Variants in NCAM2 observed in about 807,000 individuals in gnomAD.
The protein encoded by NCAM2 is N-CAM-2.
NCAM2 carries 30 observed loss-of-function variants against 98.1 expected under a neutral mutation model. The ratio of observed to expected loss-of-function variants is 0.31; its 90% CI spans 0.23 to 0.41. The LOEUF is 0.41. NCAM2 is among the 10% of genes least tolerant of loss of function. The probability of loss-of-function intolerance (pLI) is 1.00; values close to 1 mark genes in which losing one functional copy is unlikely to be tolerated. For synonymous variants in NCAM2, 368 were observed against 342.4 expected (o/e 1.07, Z -0.83); for missense variants, 867 against 1,005.8 (o/e 0.86, Z 1.87).
chr21:21,493,693 T>C (rs1216093496), intron 15 of NCAM2, among the ~76,000 whole-genome samples: 1 of 151,946 alleles, frequency 6.6e-6, no homozygotes, highest in Non-Finnish European at 1.5e-5. Context: ...ATCCTCTGTG[T>C]CCTAAAAATC....
At chr21:21,257,126 G>A (rs773185331) in intron 1 of NCAM2, among the ~76,000 whole-genome samples, 6 of 152,172 alleles carry the variant, frequency 3.9e-5, no homozygotes, top group Non-Finnish European at 7.4e-5. Context: ...TACTATTTCA[G>A]TCTTTTTGAT....
chr21:21,251,466 C>T (rs2071466926), intron 1 of NCAM2, among the ~76,000 whole-genome samples: 1 of 152,096 alleles, frequency 6.6e-6, no homozygotes, highest in African/African-American at 2.4e-5. Context: ...TCATCCATGT[C>T]CCTGCAAAGG....
intron 6 of NCAM2, among the ~76,000 whole-genome samples, chr21:21,334,446 G>A (rs1167741379): frequency 1.3e-5 from 2 of 152,246 alleles, no homozygotes; most frequent in East Asian, 1.9e-4. Flanking sequence ...GTGTATCAGA[G>A]AAATGTTTGA....
chr21:21,029,692 G>A (rs565168349), intron 1 of NCAM2, among the ~76,000 whole-genome samples: 25 of 152,026 alleles, frequency 1.6e-4, no homozygotes, highest in South Asian at 6.2e-4. Context: ...GTACAGTGGC[G>A]CGATCTTGGC....
intron 1 of NCAM2, among the ~76,000 whole-genome samples, chr21:21,172,093 A>G (rs925911543): frequency 6.6e-6 from 1 of 151,924 alleles, no homozygotes; most frequent in Non-Finnish European, 1.5e-5. Context: ...TCAAATATAG[A>G]TCGTATTTTT....
chr21:21,500,312 C>A (rs1439306153), intron 15 of NCAM2, among the ~76,000 whole-genome samples: 2 of 152,066 alleles, frequency 1.3e-5, no homozygotes, highest in East Asian at 3.9e-4. Context: ...ACAAACACTT[C>A]TTTCAAATAA....
chr21:21,454,550 C>T (rs903386082), intron 12 of NCAM2, among the ~76,000 whole-genome samples: 18 of 151,880 alleles, frequency 1.2e-4, no homozygotes, highest in African/African-American at 3.9e-4. Flanking sequence ...GACTGTAAAA[C>T]GATTTTAATA....
chr21:21,047,797 A>G (rs1446237833), intron 1 of NCAM2, among the ~76,000 whole-genome samples: 1 of 152,132 alleles, frequency 6.6e-6, no homozygotes, highest in East Asian at 1.9e-4. Flanking sequence ...GCTTTTGAGA[A>G]CTAAGCTCTG....
At chr21:21,025,909 C>T (rs999517226) in intron 1 of NCAM2, among the ~76,000 whole-genome samples, 1 of 152,052 alleles carries the variant, frequency 6.6e-6, no homozygotes. Context: ...ATTGATAATG[C>T]CTTTGGGCAA....
intron 1 of NCAM2, among the ~76,000 whole-genome samples, chr21:21,196,588 A>G (rs2146994365): frequency 6.6e-6 from 1 of 152,342 alleles, no homozygotes; most frequent in Middle Eastern, 3.4e-3. Flanking sequence ...GGGTCACAAG[A>G]TCAAATTCTA....
chr21:21,452,369 G>A (rs924962385), intron 12 of NCAM2, among the ~76,000 whole-genome samples: 2 of 139,402 alleles, frequency 1.4e-5, no homozygotes, highest in African/African-American at 5.1e-5. Context: ...CTATGTTTAG[G>A]GAGATTTTAG....
intron 1 of NCAM2, among the ~76,000 whole-genome samples, chr21:21,091,584 T>C (rs1017986877): frequency 6.6e-6 from 1 of 152,140 alleles, no homozygotes; most frequent in African/African-American, 2.4e-5. Flanking sequence ...CTCAGAATCA[T>C]GGCAGAAGGC....
At chr21:21,356,835 A>C (rs1007961489) in intron 8 of NCAM2, among the ~76,000 whole-genome samples, 1 of 152,078 alleles carries the variant, frequency 6.6e-6, no homozygotes. Flanking sequence ...TACTAAAAAT[A>C]CAAAATTAGC....
chr21:21,104,385 G>A (rs2066303062), intron 1 of NCAM2, among the ~76,000 whole-genome samples: 1 of 152,012 alleles, frequency 6.6e-6, no homozygotes, highest in African/African-American at 2.4e-5. Context: ...GTTTTAAAAA[G>A]GTTTTCTAGT....
At chr21:21,310,893 T>C (rs2074028454) in intron 5 of NCAM2, among the ~76,000 whole-genome samples, 1 of 152,184 alleles carries the variant, frequency 6.6e-6, no homozygotes, top group African/African-American at 2.4e-5. Context: ...TTTTATCTTT[T>C]CCAGAGTGCC....
intron 15 of NCAM2, among the ~76,000 whole-genome samples, chr21:21,489,566 T>C (rs974862370): frequency 1.3e-5 from 2 of 152,152 alleles, no homozygotes; most frequent in African/African-American, 2.4e-5. Flanking sequence ...CTAACCTTTG[T>C]GGTATAGAAA....
At chr21:21,171,325 G>A (rs945044881) in intron 1 of NCAM2, among the ~76,000 whole-genome samples, 1 of 152,168 alleles carries the variant, frequency 6.6e-6, no homozygotes, top group Non-Finnish European at 1.5e-5. Flanking sequence ...AAACTGTAAT[G>A]AACACTCATG....
intron 15 of NCAM2, among the ~76,000 whole-genome samples, chr21:21,498,080 A>G (rs532938945): frequency 5.3e-5 from 8 of 152,206 alleles, no homozygotes; most frequent in African/African-American, 1.9e-4. Flanking sequence ...AAACTTTTAT[A>G]ATTTATTTAT....
chr21:21,475,640 A>G (rs1456199990), intron 14 of NCAM2, among the ~76,000 whole-genome samples: 1 of 152,182 alleles, frequency 6.6e-6, no homozygotes, highest in Non-Finnish European at 1.5e-5. Context: ...CATACATCTC[A>G]TAATACTTTA....
Sources: gnomAD v4.1 joint callset for allele counts (sites outside exome capture counted in the v4.1 genomes callset) on GRCh38, gnomAD v4.1.1 for gene constraint, MANE v1.5 for transcripts, NCBI Gene and HGNC (gene_info 2026-07-23, HGNC 2026-07-21) for gene names.